Variants in SLC16A9 observed in about 807,000 individuals in gnomAD.
SLC16A9 encodes monocarboxylate transporter 9.
SLC16A9 carries 26 observed loss-of-function variants against 44.3 expected under a neutral mutation model. The ratio of observed to expected loss-of-function variants is 0.59; its 90% confidence interval spans 0.43 to 0.81. SLC16A9 has a LOEUF of 0.81. Ranked by LOEUF, SLC16A9 falls within the 40% of genes least tolerant of loss-of-function variation. SLC16A9 has a pLI of 0.00. For missense variants in SLC16A9, 559 were observed against 595.8 expected (o/e 0.94, Z 0.64); for synonymous variants, 230 against 225.1 (o/e 1.02, Z -0.19).
intron 4 of SLC16A9, among the ~76,000 whole-genome samples, chr10:59,656,563 T>C (rs926642106): frequency 6.6e-6 from 1 of 152,176 alleles, no homozygotes; most frequent in Non-Finnish European, 1.5e-5. Flanking sequence ...CACAAGAACA[T>C]GTCTGTGGTT....
chr10:59,707,324 GA>G, intron 1 of SLC16A9, among the ~76,000 whole-genome samples: 3 of 119,932 alleles, frequency 2.5e-5, no homozygotes, highest in Non-Finnish European at 3.5e-5. Flanking sequence ...GAAGGGAAGG[GA>G]AGGGAAGGGA....
Position 59,652,681 on chromosome 10 carries a change from G to A in SLC16A9, c.*91C>T, listed in dbSNP as rs1839230787. 2 of 1,220,738 alleles carry A rather than the reference G, an allele frequency of 1.6e-6. No individual in the cohort carries two copies. The highest frequency in any genetic ancestry group is 2.3e-6 in the Non-Finnish European group (2 of 888,250). The allele number at this position is 1,220,738 out of a possible 1,614,324, so 75.6% of individuals were successfully genotyped here. A position where few individuals can be genotyped will look rare whatever the true frequency, so the allele number is the denominator to read the frequency against. On this transcript the variant is annotated 3_prime_UTR_variant, in exon 6 of 6. Coordinates refer to ENST00000395348, the MANE Select transcript of SLC16A9 (RefSeq NM_194298.3). ...TGTGAAATTTTGCTATGAGAAAATA[G>A]TCTTGACTCTAGAAAATTTGCTTGA...
intron 4 of SLC16A9, among the ~76,000 whole-genome samples, chr10:59,660,510 T>C (rs1313191865): frequency 6.6e-6 from 1 of 152,174 alleles, no homozygotes; most frequent in East Asian, 1.9e-4. Context: ...CAGTGATTAA[T>C]AGCCTACCAA....
intron 3 of SLC16A9, among the ~76,000 whole-genome samples, chr10:59,664,598 T>C (rs1441091987): frequency 6.6e-6 from 1 of 152,106 alleles, no homozygotes; most frequent in Non-Finnish European, 1.5e-5. Flanking sequence ...AATTAAGAGA[T>C]TATGGAGAAA....
At chr10:59,693,710 C>T (rs892497558) in intron 1 of SLC16A9, among the ~76,000 whole-genome samples, 1 of 151,566 alleles carries the variant, frequency 6.6e-6, no homozygotes, top group Non-Finnish European at 1.5e-5. Flanking sequence ...AGCTCCGCCT[C>T]CCAGGTTCAC....
At chr10:59,653,652 TG>T (rs1344613259) in intron 5 of SLC16A9, 22 bp downstream of exon 5, 1 of 1,585,618 alleles carries the variant, frequency 6.3e-7, no homozygotes, top group Admixed American at 1.7e-5. Flanking sequence ...TAAAATGGGA[TG>T]ATTTTAAGAT....
chr10:59,690,335 A>G (rs1840225719), intron 1 of SLC16A9, among the ~76,000 whole-genome samples: 1 of 152,222 alleles, frequency 6.6e-6, no homozygotes, highest in South Asian at 2.1e-4. Flanking sequence ...TCACTTAGGA[A>G]GGTAAGATAT....
intron 1 of SLC16A9, among the ~76,000 whole-genome samples, chr10:59,690,608 A>T (rs1840231962): frequency 6.6e-6 from 1 of 152,196 alleles, no homozygotes; most frequent in South Asian, 2.1e-4. Context: ...GGTTTGGTGG[A>T]GTTGGAGAGG....
At chr10:59,696,874 C>A (rs1367567372) in intron 1 of SLC16A9, among the ~76,000 whole-genome samples, 14 of 151,414 alleles carry the variant, frequency 9.2e-5, no homozygotes, top group Admixed American at 6.6e-4. Flanking sequence ...CCAGCAGCCA[C>A]CCCGTGTGGG....
At chr10:59,676,932 A>AG (rs1839871996) in intron 2 of SLC16A9, among the ~76,000 whole-genome samples, 1 of 151,902 alleles carries the variant, frequency 6.6e-6, no homozygotes, top group Non-Finnish European at 1.5e-5. Flanking sequence ...CAAAAAAAAA[A>AG]AAAAAAAAAG....
In SLC16A9 at chr10:59,654,281, G is replaced by T. The variant is rs1839294526; in HGVS notation, c.745C>A (p.Gln249Lys). The change falls in exon 5 of 6, where the codon CAA (glutamine) becomes AAA (lysine). Residue 249 changes from glutamine (Q) to lysine (K), a missense_variant. Transcript: ENST00000395348. ...RITLANGDWK[Q>K]DSLLHKNPTV... is the part of the protein sequence containing the mutation. ...GGGTTTTTATGAAGTAGGCTGTCTT[G>T]TTTCCAGTCACCATTGGCTAACGTG... 9.3e-6 allele frequency: 15 copies of T among 1,614,122 alleles called. No individual in the cohort carries two copies. The highest frequency in any genetic ancestry group is 1.3e-5 in the Non-Finnish European group (15 of 1,180,030).
chr10:59,703,648 A>T (rs1366514610), intron 1 of SLC16A9, among the ~76,000 whole-genome samples: 2 of 152,064 alleles, frequency 1.3e-5, no homozygotes, highest in African/African-American at 4.8e-5. Context: ...TGGTCTCTTA[A>T]TGTGTTTCGT....
chr10:59,655,851 T>C (rs950901041), intron 4 of SLC16A9, among the ~76,000 whole-genome samples: 11 of 152,206 alleles, frequency 7.2e-5, no homozygotes, highest in African/African-American at 2.7e-4. Flanking sequence ...AGGATGCCAA[T>C]AGGACCAAGC....
intron 4 of SLC16A9, among the ~76,000 whole-genome samples, chr10:59,655,811 GTCAGTAT>G (rs1733978950): frequency 6.6e-6 from 1 of 152,182 alleles, no homozygotes; most frequent in Non-Finnish European, 1.5e-5. Flanking sequence ...GTTTAAAATG[GTCAGTAT>G]TAAATTACAT....
At chr10:59,685,606 C>T (rs956940398) in intron 1 of SLC16A9, among the ~76,000 whole-genome samples, 10 of 152,202 alleles carry the variant, frequency 6.6e-5, no homozygotes, top group Admixed American at 3.3e-4. Flanking sequence ...TACTTCTGCA[C>T]TGTATTCCAG....
intron 1 of SLC16A9, among the ~76,000 whole-genome samples, chr10:59,701,721 C>T (rs1164235555): frequency 6.6e-6 from 1 of 152,052 alleles, no homozygotes. Flanking sequence ...CAAATCTGTG[C>T]CCCCCAACCC....
intron 4 of SLC16A9, among the ~76,000 whole-genome samples, chr10:59,663,597 A>G (rs10763617): frequency 0.66 from 98,143 of 147,952 alleles, 32,989 homozygotes; most frequent in Middle Eastern, 0.76. Flanking sequence ...ATCACACACC[A>G]GGGCCTGTTG....
chr10:59,667,688 C>T (rs1341559066), intron 3 of SLC16A9, among the ~76,000 whole-genome samples: 2 of 152,084 alleles, frequency 1.3e-5, no homozygotes, highest in African/African-American at 4.8e-5. Context: ...AGTTTGGAAA[C>T]CACTGCCTTA....
chr10:59,687,759 G>A (rs117716850), intron 1 of SLC16A9, among the ~76,000 whole-genome samples: 6,234 of 152,094 alleles, frequency 0.041, 234 homozygotes, highest in East Asian at 0.12. Context: ...CCAGGAGTTC[G>A]AGGCCAGCCT....
Sources: gnomAD v4.1 joint callset for allele counts (sites outside exome capture counted in the v4.1 genomes callset) on GRCh38, gnomAD v4.1.1 for gene constraint, MANE v1.5 for transcripts, NCBI Gene and HGNC (gene_info 2026-07-23, HGNC 2026-07-21) for gene names.